NOSTRIN: variants seen among roughly 807,000 people sequenced by gnomAD.
The protein encoded by NOSTRIN is BM247 homolog.
Under a neutral mutation model 59.0 loss-of-function variants are expected in NOSTRIN, and 63 were observed. That is an observed-to-expected ratio of 1.07 (90% confidence interval 0.87 to 1.32). The LOEUF (loss-of-function observed/expected upper bound fraction) is 1.32, where lower values mean the gene tolerates loss of function less well. Among genes scored for constraint, NOSTRIN ranks in the 40% most tolerant of loss-of-function variants. NOSTRIN has a pLI of 0.00. For missense variants in NOSTRIN, 512 were observed against 473.1 expected (o/e 1.08, Z -0.76); for synonymous variants, 200 against 165.4 (o/e 1.21, Z -1.61).
rs1407055408 is a variant in NOSTRIN at position 168,864,952 on chromosome 2, C to T, written c.1503C>T (p.Asn501=). The T allele has an allele frequency of 8.1e-6, 13 of 1,614,050 alleles. No individual in the cohort carries two copies. The highest frequency in any genetic ancestry group is 1.1e-5 in the Non-Finnish European group (13 of 1,180,000). ...YVEELPSNAG[N]TATKA ...AGGAGTTACCTTCAAATGCTGGCAA[C>T]ACAGCTACAAAGGCATAAAACAAGA... is the stretch of plus-strand genomic sequence containing the variant. Residue 501 remains asparagine, a synonymous_variant, in exon 16 of 16, where the codon AAC becomes AAT. Coordinates refer to ENST00000317647, the MANE Select transcript of NOSTRIN (RefSeq NM_001039724.4).
At chr2:168,842,343 C>T (rs1688154098) in intron 7 of NOSTRIN, among the ~76,000 whole-genome samples, 1 of 152,074 alleles carries the variant, frequency 6.6e-6, no homozygotes, top group Non-Finnish European at 1.5e-5. Context: ...TGCCTGAATT[C>T]TCAAAGCAAC....
At chr2:168,819,628 C>T (rs892629294) in intron 2 of NOSTRIN, among the ~76,000 whole-genome samples, 3 of 152,188 alleles carry the variant, frequency 2.0e-5, no homozygotes, top group Admixed American at 6.5e-5. Context: ...CATCACATTT[C>T]ATTTCCTTCT....
At chr2:168,820,467 A>C (rs1240536686) in intron 2 of NOSTRIN, among the ~76,000 whole-genome samples, 1 of 152,188 alleles carries the variant, frequency 6.6e-6, no homozygotes, top group East Asian at 1.9e-4. Flanking sequence ...CACAAAGGTA[A>C]GGCAACACCT....
chr2:168,790,765 A>G (rs1269615778), intron 2 of NOSTRIN, among the ~76,000 whole-genome samples: 3 of 152,196 alleles, frequency 2.0e-5, no homozygotes, highest in Admixed American at 2.0e-4. Flanking sequence ...ACTCAGGGTT[A>G]GATAGTAGTG....
At chr2:168,844,878 A>AG (rs1249782438) in intron 8 of NOSTRIN, among the ~76,000 whole-genome samples, 3 of 151,268 alleles carry the variant, frequency 2.0e-5, no homozygotes, top group Non-Finnish European at 4.4e-5. Flanking sequence ...TCAAAAAGAA[A>AG]AAAAAAAAAA....
intron 6 of NOSTRIN, among the ~76,000 whole-genome samples, chr2:168,833,476 A>G (rs1306269297): frequency 1.3e-5 from 2 of 152,226 alleles, no homozygotes; most frequent in Non-Finnish European, 2.9e-5. Flanking sequence ...CAAAAAGCCA[A>G]AGTCTTTCAA....
chr2:168,821,462 C>A (rs552161322), intron 2 of NOSTRIN, among the ~76,000 whole-genome samples: 1 of 152,370 alleles, frequency 6.6e-6, no homozygotes, highest in South Asian at 2.1e-4. Context: ...GACATACATA[C>A]TGAGTGCCTG....
intron 10 of NOSTRIN, among the ~76,000 whole-genome samples, chr2:168,854,858 T>G (rs1475620604): frequency 6.6e-6 from 1 of 152,204 alleles, no homozygotes; most frequent in Non-Finnish European, 1.5e-5. Flanking sequence ...AACTAAATCA[T>G]AAACCCATTC....
At chr2:168,808,423 C>G (rs1685972678) in intron 1 of NOSTRIN, among the ~76,000 whole-genome samples, 1 of 152,224 alleles carries the variant, frequency 6.6e-6, no homozygotes, top group African/African-American at 2.4e-5. Context: ...TCGAATCCAT[C>G]TCTCTGCTTT....
At chr2:168,828,379 G>A (rs370167691) in intron 4 of NOSTRIN, 41 bp from the exon 5 acceptor site, 427 of 867,190 alleles carry the variant, frequency 4.9e-4, no homozygotes, top group South Asian at 8.9e-4. Flanking sequence ...AGATGTAAAC[G>A]CTGATATTAT....
upstream of NOSTRIN, among the ~76,000 whole-genome samples, chr2:168,797,895 A>G (rs1685527728): frequency 6.6e-6 from 1 of 152,142 alleles, no homozygotes; most frequent in Non-Finnish European, 1.5e-5. Context: ...TGATGATTAA[A>G]TAAGTTAATA....
At chr2:168,820,471 A>G (rs1686668284) in intron 2 of NOSTRIN, among the ~76,000 whole-genome samples, 1 of 152,180 alleles carries the variant, frequency 6.6e-6, no homozygotes, top group Non-Finnish European at 1.5e-5. Context: ...AAGGTAAGGC[A>G]ACACCTTTGT....
chr2:168,789,347 G>T (rs1376960473), intron 2 of NOSTRIN, among the ~76,000 whole-genome samples: 1 of 152,228 alleles, frequency 6.6e-6, no homozygotes, highest in African/African-American at 2.4e-5. Flanking sequence ...CATGGATGGG[G>T]AGACCTCATA....
At chr2:168,863,728 A>T in intron 15 of NOSTRIN, 1 of 865,698 alleles carries the variant, frequency 1.2e-6, no homozygotes, top group Non-Finnish European at 1.4e-6. Context: ...CATTGTCTTG[A>T]TCTTAAGAAA....
chr2:168,863,851 A>T (rs1485107757), intron 15 of NOSTRIN, among the ~76,000 whole-genome samples: 1 of 152,202 alleles, frequency 6.6e-6, no homozygotes, highest in Non-Finnish European at 1.5e-5. Context: ...ACAATCCATC[A>T]GCTACATAGA....
At chr2:168,802,485 G>T (rs374692977), upstream of NOSTRIN, 21 of 631,786 alleles carry the variant, frequency 3.3e-5, no homozygotes, top group Admixed American at 1.2e-4. Context: ...ACACAAACGG[G>T]ATGAAAGTCC....
chr2:168,819,779 G>C (rs1686625515), intron 2 of NOSTRIN, among the ~76,000 whole-genome samples: 1 of 152,194 alleles, frequency 6.6e-6, no homozygotes, highest in Non-Finnish European at 1.5e-5. Flanking sequence ...GTTGCAGGCA[G>C]AGAAAGGGTA....
At chr2:168,794,984 A>G (rs1454150202), upstream of NOSTRIN, among the ~76,000 whole-genome samples, 7 of 152,196 alleles carry the variant, frequency 4.6e-5, no homozygotes, top group Non-Finnish European at 1.0e-4. Flanking sequence ...AAGCTCTATC[A>G]CTTCCCACAC....
chr2:168,857,311 C>T (rs886233078), intron 12 of NOSTRIN, among the ~76,000 whole-genome samples: 2 of 152,290 alleles, frequency 1.3e-5, no homozygotes, highest in South Asian at 4.1e-4. Flanking sequence ...TCCATTCATC[C>T]CTCTGCTGAT....
Sources: gnomAD v4.1 joint callset for allele counts (sites outside exome capture counted in the v4.1 genomes callset) on GRCh38, gnomAD v4.1.1 for gene constraint, MANE v1.5 for transcripts, NCBI Gene and HGNC (gene_info 2026-07-23, HGNC 2026-07-21) for gene names.